The following ADGRG7 variants were observed in gnomAD, a reference collection of about 807,000 sequenced individuals.
ADGRG7 encodes the protein G-protein coupled receptor 128.
A neutral mutation model predicts 88.6 loss-of-function variants in ADGRG7; 82 were observed. The observed-to-expected ratio is 0.93, with a 90% CI of 0.77 to 1.11. The LOEUF (loss-of-function observed/expected upper bound fraction) is 1.11. ADGRG7 is among the 50% of genes most tolerant of loss of function. ADGRG7 has a pLI of 0.00. For synonymous variants in ADGRG7, 381 were observed against 345.2 expected (o/e 1.10, Z -1.15); for missense variants, 945 against 953.4 (o/e 0.99, Z 0.12).
intron 1 of ADGRG7, among the ~76,000 whole-genome samples, chr3:100,617,521 C>T (rs1045294658): frequency 1.3e-5 from 2 of 152,116 alleles, no homozygotes; most frequent in African/African-American, 2.4e-5. Flanking sequence ...TTTCCAGCTT[C>T]ATCCATGTCC....
chr3:100,632,734 AT>A (rs922200834), intron 3 of ADGRG7, among the ~76,000 whole-genome samples: 1 of 152,134 alleles, frequency 6.6e-6, no homozygotes, highest in South Asian at 2.1e-4. Flanking sequence ...TCTAATTATG[AT>A]TTTTTTCTAT....
chr3:100,687,588 GGTTGT>G (rs1369952765), intron 15 of ADGRG7, among the ~76,000 whole-genome samples: 10 of 151,988 alleles, frequency 6.6e-5, no homozygotes, highest in Non-Finnish European at 1.2e-4. Context: ...TAGCACGAAG[GGTTGT>G]TGAATTTTGT....
Position 100,695,132 on chromosome 3 carries a change from A to C in ADGRG7, c.*131A>C. 1.1e-6 allele frequency: 1 copy of C among 899,498 alleles called. No homozygotes were observed. Among genetic ancestry groups the C allele is most frequent in the Non-Finnish European group, 1.7e-6 (1 of 596,506 alleles). The allele number at this position is 899,498 out of a possible 1,614,324, so 55.7% of individuals were successfully genotyped here. ...TTGCTCAGGATTAAGAATTAGATAA[A>C]ACCTGTTGTTTATTATTATTCGGCA... On this transcript the variant is annotated 3_prime_UTR_variant, in exon 16 of 16. Transcript: ENST00000273352.
At chr3:100,637,689 A>C (rs1270714757) in intron 6 of ADGRG7, 18 of 337,356 alleles carry the variant, frequency 5.3e-5, no homozygotes, top group Non-Finnish European at 9.4e-5. Context: ...TGGCATGACC[A>C]AGGGACAACT....
chr3:100,612,046 A>AAT (rs1707162020), intron 1 of ADGRG7, among the ~76,000 whole-genome samples: 1 of 152,172 alleles, frequency 6.6e-6, no homozygotes, highest in Non-Finnish European at 1.5e-5. Context: ...TAGTAGGGAA[A>AAT]ATATATATAA....
At chr3:100,658,402 C>A (rs1379719887) in intron 13 of ADGRG7, among the ~76,000 whole-genome samples, 4 of 152,156 alleles carry the variant, frequency 2.6e-5, no homozygotes, top group Non-Finnish European at 4.4e-5. Context: ...CTCATCACTG[C>A]ACCTGGATTA....
intron 1 of ADGRG7, among the ~76,000 whole-genome samples, chr3:100,612,913 A>T (rs1718288): frequency 0.91 from 139,299 of 152,258 alleles, 65,060 homozygotes; most frequent in East Asian, 1. Context: ...TGTTTTGAGA[A>T]GGAGTCTCAT....
intron 15 of ADGRG7, among the ~76,000 whole-genome samples, chr3:100,670,633 A>G (rs370809740): frequency 6.6e-6 from 1 of 152,124 alleles, no homozygotes; most frequent in East Asian, 1.9e-4. Context: ...ACATAGCTAT[A>G]CACGTGCCAT....
chr3:100,683,977 G>T (rs1185718723), intron 15 of ADGRG7, among the ~76,000 whole-genome samples: 1 of 152,024 alleles, frequency 6.6e-6, no homozygotes, highest in East Asian at 1.9e-4. Flanking sequence ...GCATTATCAT[G>T]TTCCTGGAAA....
intron 15 of ADGRG7, among the ~76,000 whole-genome samples, chr3:100,672,780 T>A (rs1290466674): frequency 6.6e-6 from 1 of 152,210 alleles, no homozygotes; most frequent in Non-Finnish European, 1.5e-5. Context: ...GTGTTGAATT[T>A]TGTCGAAGGC....
intron 14 of ADGRG7, among the ~76,000 whole-genome samples, chr3:100,667,188 T>G (rs1144111): frequency 6.6e-6 from 1 of 151,850 alleles, no homozygotes; most frequent in South Asian, 2.1e-4. Flanking sequence ...AATTTTTTTT[T>G]TTATTATTAT....
At chr3:100,694,686 C>T in intron 15 of ADGRG7, 58 bp from the exon 16 acceptor site, 1 of 1,512,812 alleles carries the variant, frequency 6.6e-7, no homozygotes, top group South Asian at 1.2e-5. Context: ...AATAAAATGT[C>T]TTCCTTGATA....
At chr3:100,671,458 T>C (rs1008674604) in intron 15 of ADGRG7, among the ~76,000 whole-genome samples, 1 of 152,252 alleles carries the variant, frequency 6.6e-6, no homozygotes, top group Non-Finnish European at 1.5e-5. Flanking sequence ...ATTAGCCCTT[T>C]GTCAGATGGA....
rs1477242567 is a variant in ADGRG7 at position 100,675,461 on chromosome 3, A to ATG, written c.2136+6357_2136+6358dup. Reference sequence around the variant, plus strand: ...GATAAATTCTACTTTGTCATGATGAATGACCTTTTTAGTGTGTTGCTGAAT... The same window carrying ATG: ...GATAAATTCTACTTTGTCATGATGAATGTGACCTTTTTAGTGTGTTGCTGAAT... On this transcript the variant is annotated intron_variant, in intron 15 of 15. Transcript: ENST00000273352. Among the ~76,000 whole-genome samples the ATG allele has an allele frequency of 2.0e-5, 3 of 152,296 alleles. No individual in the cohort carries two copies. In the East Asian group the frequency reaches 5.8e-4, roughly 29 times the overall value.
chr3:100,678,202 G>A (rs888376694), intron 15 of ADGRG7, among the ~76,000 whole-genome samples: 3 of 151,774 alleles, frequency 2.0e-5, no homozygotes, highest in African/African-American at 7.3e-5. Context: ...GATTAATTCT[G>A]TTAAGAGACT....
intron 10 of ADGRG7, 72 bp downstream of exon 10, chr3:100,646,796 G>A (rs1707757827): frequency 1.6e-6 from 2 of 1,228,122 alleles, no homozygotes; most frequent in Non-Finnish European, 2.3e-6. Flanking sequence ...GGTGCTCCTT[G>A]GAGATAACTT....
In ADGRG7 at chr3:100,637,401, A is replaced by G. The variant is rs1393861321; in HGVS notation, c.697A>G (p.Thr233Ala). 1.2e-6 allele frequency: 2 copies of G among 1,606,464 alleles called. No homozygotes were observed. The highest frequency in any genetic ancestry group is 1.7e-6 in the Non-Finnish European group (2 of 1,173,304). Residue 233 changes from threonine to alanine, a missense_variant and splice_region_variant, in exon 6 of 16, where the codon ACG becomes GCG. Thr to Ala is a moderately conservative substitution (Grantham distance 58). Transcript: ENST00000273352. ...TACTGCTAATGATGATGCCCTTACAACGTAAGCACAAATTCAATTTGGAAA... is the reference window on the plus strand; with the variant it reads ...TACTGCTAATGATGATGCCCTTACAGCGTAAGCACAAATTCAATTTGGAAA... ...AATANDDALT[T>A]LIEQMETYSL... is the part of the protein sequence containing the mutation.
chr3:100,659,727 A>T lies in ADGRG7; in HGVS notation c.1863A>T (p.Lys621Asn), dbSNP rs2094942636. The T allele has an allele frequency of 6.2e-7, 1 of 1,613,984 alleles. No homozygotes were observed. The highest frequency in any genetic ancestry group is 1.7e-5 in the Admixed American group (1 of 59,996). Residue 621 changes from lysine (K) to asparagine (N), a missense_variant, in exon 14 of 16, where the codon AAA becomes AAT. Physicochemically the swap from Lys to Asn is moderately conservative, Grantham distance 94. Transcript: ENST00000273352. ...TTCCAGAACCCAATGGTGTTATAAAAAGTCCGCTGTTGTGGTCATTCATCG... is the reference window on the plus strand; with the variant it reads ...TTCCAGAACCCAATGGTGTTATAAATAGTCCGCTGTTGTGGTCATTCATCG... ...LAIPEPNGVI[K>N]SPLLWSFIVP...
At chr3:100,686,168 G>T (rs577207449) in intron 15 of ADGRG7, among the ~76,000 whole-genome samples, 1 of 151,792 alleles carries the variant, frequency 6.6e-6, no homozygotes, top group African/African-American at 2.4e-5. Flanking sequence ...CTGCATAAAT[G>T]TCTTCTTTTG....
Sources: allele counts gnomAD v4.1 joint callset (sites outside exome capture counted in the v4.1 genomes callset), GRCh38; gene constraint gnomAD v4.1.1; transcripts MANE v1.5; gene names NCBI Gene and HGNC (gene_info 2026-07-23, HGNC 2026-07-21).